TERF2: variants seen among roughly 807,000 people sequenced by gnomAD.
TERF2 encodes telomeric repeat binding factor 2, also known as telomeric repeat-binding factor 2.
A neutral mutation model predicts 56.1 loss-of-function variants in TERF2; 16 were observed. That is an observed-to-expected ratio of 0.29 (90% confidence interval 0.19 to 0.43). TERF2 has a LOEUF of 0.43. TERF2 is among the 20% of genes least tolerant of loss of function. The pLI, the probability that TERF2 is intolerant of heterozygous loss-of-function variation, is 1.00. For missense variants in TERF2, 547 were observed against 712.9 expected (o/e 0.77, Z 2.65); for synonymous variants, 296 against 282.1 (o/e 1.05, Z -0.50).
At chr16:69,373,586 C>CT in intron 3 of TERF2, among the ~76,000 whole-genome samples, 1 of 152,138 alleles carries the variant, frequency 6.6e-6, no homozygotes. Context: ...TATTCCCACA[C>CT]TTTGAGAGGC....
At chr16:69,369,530 C>T (rs1480546250) in intron 5 of TERF2, among the ~76,000 whole-genome samples, 2 of 152,084 alleles carry the variant, frequency 1.3e-5, no homozygotes, top group Non-Finnish European at 2.9e-5. Flanking sequence ...AACTCCTAAG[C>T]TCAAGCAACC....
At chr16:69,364,181 C>T (rs188385759) in intron 7 of TERF2, among the ~76,000 whole-genome samples, 13 of 152,174 alleles carry the variant, frequency 8.5e-5, no homozygotes, top group South Asian at 6.2e-4. Flanking sequence ...TGCAAGGTGC[C>T]GTGGGAGATA....
intron 3 of TERF2, among the ~76,000 whole-genome samples, chr16:69,381,760 T>C (rs2014007983): frequency 6.6e-6 from 1 of 152,170 alleles, no homozygotes; most frequent in Non-Finnish European, 1.5e-5. Flanking sequence ...GGATTACAGG[T>C]ATGAGCTACT....
chr16:69,357,039 T>G lies in TERF2; in HGVS notation c.1488A>C (p.Glu496Asp), dbSNP rs1400504410. 1 of 1,611,522 alleles carries G rather than the reference T, an allele frequency of 6.2e-7. No individual in the cohort carries two copies. The highest frequency in any genetic ancestry group is 8.5e-7 in the Non-Finnish European group (1 of 1,179,312). ...GCACTCCAGCCTTGACCCACTCGCTTTCTTCTACAGTCCACTTCTGCAAAA... is the reference window on the plus strand; with the variant it reads ...GCACTCCAGCCTTGACCCACTCGCTGTCTTCTACAGTCCACTTCTGCAAAA... Reference protein sequence around the residue: ...ITKKQKWTVEESEWVKAGVQK... With the variant: ...ITKKQKWTVEDSEWVKAGVQK... Residue 496 changes from glutamate (E) to aspartate (D), a missense_variant, in exon 10 of 10, where the codon GAA becomes GAC. This residue lies in a region of TERF2 where 33 missense variants were observed against 69.9 expected (regional missense o/e 0.47). Coordinates refer to ENST00000254942, the MANE Select transcript of TERF2 (RefSeq NM_005652.5).
At chr16:69,380,613 C>T (rs1054844145) in intron 3 of TERF2, among the ~76,000 whole-genome samples, 3 of 149,242 alleles carry the variant, frequency 2.0e-5, no homozygotes, top group Admixed American at 6.7e-5. Flanking sequence ...GCCGAGATCA[C>T]GCCACTATAC....
In TERF2 at chr16:69,385,943, G is replaced by T. The variant is rs1219788477; in HGVS notation, c.29C>A (p.Pro10His). MAAGAGTAGPASGPGVVRDP... is the reference protein window; with the variant it reads MAAGAGTAGHASGPGVVRDP... Reference sequence around the variant, plus strand: ...ACGCACGACGCCCGGGCCGGAAGCGGGGCCCGCCGTCCCGGCTCCCGCGGC... The same window carrying T: ...ACGCACGACGCCCGGGCCGGAAGCGTGGCCCGCCGTCCCGGCTCCCGCGGC... Residue 10 changes from proline to histidine, a missense_variant, in exon 1 of 10, where the codon CCC (proline) becomes CAC (histidine). Transcript: ENST00000254942. The T allele has an allele frequency of 2.9e-6, 4 of 1,364,428 alleles. No homozygotes were observed. The highest frequency in any genetic ancestry group is 3.8e-6 in the Non-Finnish European group (4 of 1,058,304). The allele number at this position is 1,364,428 out of a possible 1,614,324, so 84.5% of individuals were successfully genotyped here.
At chr16:69,384,451 G>C in intron 3 of TERF2, 129 bp downstream of exon 3, 1 of 946,280 alleles carries the variant, frequency 1.1e-6, no homozygotes, top group South Asian at 2.1e-5. Flanking sequence ...CTGTGTGTGT[G>C]CTTTCTTGCT....
At chr16:69,370,822 G>GAC (rs1253323207) in intron 4 of TERF2, among the ~76,000 whole-genome samples, 193 bp from the exon 5 acceptor site, 3 of 152,118 alleles carry the variant, frequency 2.0e-5, no homozygotes, top group Non-Finnish European at 4.4e-5. Context: ...GGGTTACTAT[G>GAC]CAGCTATAAA....
At chr16:69,368,034 G>A (rs3785073) in intron 6 of TERF2, among the ~76,000 whole-genome samples, 38,995 of 152,150 alleles carry the variant, frequency 0.26, 5,299 homozygotes, top group South Asian at 0.34. Flanking sequence ...TTAGGAACTG[G>A]TTTTGGGATT....
At chr16:69,380,068 A>G (rs1302677774) in intron 3 of TERF2, among the ~76,000 whole-genome samples, 1 of 151,774 alleles carries the variant, frequency 6.6e-6, no homozygotes, top group Non-Finnish European at 1.5e-5. Context: ...CTCGGGCCAC[A>G]CACCCGGCTA....
intron 9 of TERF2, 112 bp downstream of exon 9, chr16:69,357,405 CA>C: frequency 9.3e-6 from 8 of 860,842 alleles, no homozygotes; most frequent in South Asian, 1.8e-5. Context: ...CTGAAAATCT[CA>C]AAAAAAGGTT....
intron 8 of TERF2, among the ~76,000 whole-genome samples, chr16:69,360,521 T>G (rs534613780): frequency 6.6e-6 from 1 of 151,702 alleles, no homozygotes; most frequent in African/African-American, 2.4e-5. Flanking sequence ...CTGGCCAACA[T>G]GGTGAAACCC....
chr16:69,360,052 T>G (rs904219455), intron 8 of TERF2, among the ~76,000 whole-genome samples: 58 of 151,022 alleles, frequency 3.8e-4, no homozygotes, highest in Non-Finnish European at 7.1e-4. Context: ...CATGAGCCAC[T>G]ACGCCCAGCC....
chr16:69,363,654 T>C (rs72797157), intron 7 of TERF2, among the ~76,000 whole-genome samples: 6,955 of 152,222 alleles, frequency 0.046, 217 homozygotes, highest in South Asian at 0.084. Flanking sequence ...AAGCCCGTTT[T>C]TTAAGGGTTG....
Position 69,355,642 on chromosome 16 carries a change from T to C in TERF2, c.*1256A>G, listed in dbSNP as rs1290003170. ...TAGTTCTCACCTTTTAAAAAAAGAT[T>C]ACAGAAAACACTTTACTGAAATTTT... is the stretch of plus-strand genomic sequence containing the variant. On this transcript the variant is annotated 3_prime_UTR_variant, in exon 10 of 10. Transcript: ENST00000254942. 2 of 152,622 alleles carry C rather than the reference T, an allele frequency of 1.3e-5. No individual in the cohort carries two copies. Among genetic ancestry groups the C allele is most frequent in the Non-Finnish European group, 1.5e-5 (1 of 68,102 alleles). 9.5% of individuals were successfully genotyped at this position (152,622 alleles called of 1,614,324 possible). A position where few individuals can be genotyped will look rare whatever the true frequency, so the allele number is the denominator to read the frequency against.
chr16:69,375,268 A>C (rs2013736116), intron 3 of TERF2, among the ~76,000 whole-genome samples: 1 of 152,244 alleles, frequency 6.6e-6, no homozygotes, highest in African/African-American at 2.4e-5. Flanking sequence ...GTAAATACCC[A>C]AGAATAGGAT....
At chr16:69,357,784 G>A (rs2012959773) in intron 8 of TERF2, among the ~76,000 whole-genome samples, 1 of 151,956 alleles carries the variant, frequency 6.6e-6, no homozygotes, top group Admixed American at 6.5e-5. Flanking sequence ...TTTACAAACA[G>A]GCATCCGTAA....
intron 2 of TERF2, 81 bp from the exon 3 acceptor site, chr16:69,384,791 T>C (rs772307464): frequency 2.3e-6 from 3 of 1,287,376 alleles, no homozygotes; most frequent in Non-Finnish European, 3.1e-6. Flanking sequence ...TATATATATT[T>C]ATGGAAATGG....
intron 3 of TERF2, among the ~76,000 whole-genome samples, chr16:69,378,514 C>T (rs2013876274): frequency 1.3e-5 from 2 of 152,208 alleles, no homozygotes; most frequent in South Asian, 4.1e-4. Flanking sequence ...CTTGAGAGAT[C>T]CTTCCTTGCT....
Sources: gnomAD v4.1 joint callset for allele counts (sites outside exome capture counted in the v4.1 genomes callset) on GRCh38, gnomAD v4.1.1 for gene constraint, gnomAD v4.1.1 regional missense constraint, MANE v1.5 for transcripts, NCBI Gene and HGNC (gene_info 2026-07-23, HGNC 2026-07-21) for gene names.